NBAS: variants seen among roughly 807,000 people sequenced by gnomAD.
NBAS encodes the protein NAG/BC035112 fusion.
In NBAS, 219 loss-of-function variants were observed where a neutral mutation model predicts 302.5. The ratio of observed to expected loss-of-function variants is 0.72; its 90% CI spans 0.65 to 0.81. The LOEUF is 0.81. NBAS is among the 30% of genes least tolerant of loss of function. The probability of loss-of-function intolerance (pLI) is 0.00; values close to 1 mark genes in which losing one functional copy is unlikely to be tolerated. For synonymous variants in NBAS, 1,118 were observed against 1,021.6 expected, an observed-to-expected ratio of 1.09 and a Z score of -1.80; for missense variants, 2,932 against 2,841.6, an observed-to-expected ratio of 1.03 and a Z score of -0.72.
the NBAS span, among the ~76,000 whole-genome samples, chr2:15,097,099 A>C: frequency 6.6e-6 from 1 of 152,186 alleles, no homozygotes; most frequent in Non-Finnish European, 1.5e-5. Context: ...GGGTAGAGTT[A>C]GCCTGTCCAA....
chr2:15,012,402 C>T, the NBAS span, among the ~76,000 whole-genome samples: 1 of 152,104 alleles, frequency 6.6e-6, no homozygotes, highest in South Asian at 2.1e-4. Flanking sequence ...ACAGGACTTA[C>T]AGGACACCAT....
chr2:14,895,897 C>T, the NBAS span, among the ~76,000 whole-genome samples: 285 of 151,562 alleles, frequency 1.9e-3, no homozygotes, highest in Non-Finnish European at 3.4e-3. Context: ...CTACTTGGTA[C>T]AATATTAACT....
intron 27 of NBAS, among the ~76,000 whole-genome samples, chr2:15,395,361 C>T (rs1209586496): frequency 6.6e-6 from 1 of 152,080 alleles, no homozygotes; most frequent in Non-Finnish European, 1.5e-5. Flanking sequence ...AAACCTTAGT[C>T]AAACTAAACT....
At chr2:15,510,190 TG>T (rs1662074671) in intron 10 of NBAS, among the ~76,000 whole-genome samples, 1 of 152,208 alleles carries the variant, frequency 6.6e-6, no homozygotes, top group African/African-American at 2.4e-5. Flanking sequence ...AACTAAGACA[TG>T]CAAGACTGCA....
At chr2:14,854,625 C>T in the NBAS span, among the ~76,000 whole-genome samples, 5 of 151,984 alleles carry the variant, frequency 3.3e-5, no homozygotes, top group Non-Finnish European at 7.4e-5. Context: ...ATCTCTGGGA[C>T]CTGGGGCAGG....
At chr2:15,002,715 C>A in the NBAS span, among the ~76,000 whole-genome samples, 1 of 152,246 alleles carries the variant, frequency 6.6e-6, no homozygotes, top group African/African-American at 2.4e-5. Context: ...AGAAATCGAG[C>A]ACAGTGCCAG....
In NBAS at chr2:15,387,045, T is replaced by C. The variant is rs531465988; in HGVS notation, c.3258-3728A>G. ...TAAAATATTCATTAAATAATGTAAA[T>C]AACAATTCGTAAATAAATGCACAAT... On this transcript the variant is annotated intron_variant, in intron 28 of 51. Coordinates refer to ENST00000281513, the MANE Select transcript of NBAS (RefSeq NM_015909.4). 2.6e-5 allele frequency among the ~76,000 whole-genome samples: 4 copies of C among 151,978 alleles called. No individual in the cohort carries two copies. The East Asian group carries it at 7.7e-4, about 29-fold the overall frequency.
the NBAS span, among the ~76,000 whole-genome samples, chr2:15,057,403 T>A: frequency 6.7e-6 from 1 of 148,514 alleles, no homozygotes; most frequent in African/African-American, 2.5e-5. Flanking sequence ...CTTTTTTTTT[T>A]AAGTTCCAAG....
chr2:15,539,571 T>C (rs1270698024), intron 6 of NBAS, among the ~76,000 whole-genome samples: 1 of 152,190 alleles, frequency 6.6e-6, no homozygotes, highest in Non-Finnish European at 1.5e-5. Flanking sequence ...ATGCCCTATT[T>C]ATTTTAGAAG....
intron 11 of NBAS, among the ~76,000 whole-genome samples, chr2:15,491,044 T>C (rs1469069610): frequency 2.6e-5 from 4 of 152,126 alleles, no homozygotes; most frequent in African/African-American, 9.7e-5. Flanking sequence ...ACTGAATAAA[T>C]ATATAGTATT....
intron 44 of NBAS, among the ~76,000 whole-genome samples, chr2:15,244,073 G>A (rs189655762): frequency 6.6e-6 from 1 of 152,188 alleles, no homozygotes; most frequent in East Asian, 1.9e-4. Context: ...CCCTTTAAGT[G>A]GAGAGAGAGA....
rs1228709717 is a variant in NBAS, at chr2:15,330,215, G to T, written c.4347+383C>A. On this transcript the variant is annotated intron_variant, in intron 36 of 51. Transcript: ENST00000281513. ...CCTGCCCTGACTGACTTCCAGAATG[G>T]AAGCAAGAATCTGTTCAACTGTTCT... 5.9e-5 allele frequency among the ~76,000 whole-genome samples: 9 copies of T among 152,306 alleles called. No individual in the cohort carries two copies. The South Asian group carries it at 1.9e-3, about 32-fold the overall frequency.
chr2:15,511,970 G>C (rs1329229173), intron 9 of NBAS, among the ~76,000 whole-genome samples: 1 of 152,068 alleles, frequency 6.6e-6, no homozygotes, highest in Non-Finnish European at 1.5e-5. Context: ...TATAAACAAA[G>C]CTAATTAATA....
the NBAS span, among the ~76,000 whole-genome samples, chr2:14,934,764 T>A: frequency 6.6e-6 from 1 of 152,158 alleles, no homozygotes; most frequent in African/African-American, 2.4e-5. Flanking sequence ...TGTTTAGAAG[T>A]GTTGTATTTT....
rs548501092 is a variant in NBAS, at chr2:15,295,640, C to T, written c.4798-2874G>A. Among the ~76,000 whole-genome samples the T allele has an allele frequency of 3.3e-5, 5 of 152,278 alleles. No homozygotes were observed. In the East Asian group the frequency reaches 7.7e-4, roughly 23 times the overall value. ...ATATACAAATCATAGTTTAAGTGTG[C>T]CTCTACTGTATAATTCATTTTGCAT... On this transcript the variant is annotated intron_variant, in intron 40 of 51. Transcript: ENST00000281513.
intron 47 of NBAS, among the ~76,000 whole-genome samples, chr2:15,219,744 A>G (rs1157265490): frequency 7.3e-6 from 1 of 136,068 alleles, no homozygotes; most frequent in Non-Finnish European, 1.6e-5. Flanking sequence ...AGACCCGGCA[A>G]CCATCCGATT....
chr2:15,476,917 A>T (rs1209986618), intron 13 of NBAS, among the ~76,000 whole-genome samples: 2 of 152,236 alleles, frequency 1.3e-5, no homozygotes, highest in African/African-American at 4.8e-5. Flanking sequence ...AGAGATTTTA[A>T]ATATGGAGTT....
At chr2:14,996,100 G>A in the NBAS span, among the ~76,000 whole-genome samples, 3 of 152,220 alleles carry the variant, frequency 2.0e-5, no homozygotes, top group African/African-American at 7.2e-5. Flanking sequence ...ATAAGCCTCT[G>A]TCACAGTGCT....
chr2:15,089,204 A>G, the NBAS span, among the ~76,000 whole-genome samples: 1 of 151,778 alleles, frequency 6.6e-6, no homozygotes, highest in African/African-American at 2.4e-5. Flanking sequence ...CTGGTCATGA[A>G]CTCCTGATCT....
Sources: allele counts gnomAD v4.1 joint callset (sites outside exome capture counted in the v4.1 genomes callset), GRCh38; gene constraint gnomAD v4.1.1; transcripts MANE v1.5; gene names NCBI Gene and HGNC (gene_info 2026-07-23, HGNC 2026-07-21).